CTBP2: variants seen among roughly 807,000 people sequenced by gnomAD.
CTBP2 encodes the protein C-terminal-binding protein 2.
Under a neutral mutation model 80.3 loss-of-function variants are expected in CTBP2, and 30 were observed. That is an observed-to-expected ratio of 0.37 (90% CI 0.28 to 0.51). The LOEUF is 0.51. CTBP2 is among the 20% of genes least tolerant of loss of function. CTBP2 has a pLI of 0.93. For synonymous variants in CTBP2, 594 were observed against 587.4 expected, an observed-to-expected ratio of 1.01 and a Z score of -0.16; for missense variants, 1,212 against 1,375.3, an observed-to-expected ratio of 0.88 and a Z score of 1.88.
intron 2 of CTBP2, among the ~76,000 whole-genome samples, chr10:125,041,073 T>C (rs1436154532): frequency 6.6e-6 from 1 of 152,174 alleles, no homozygotes; most frequent in Non-Finnish European, 1.5e-5. Flanking sequence ...AAAATTGGTT[T>C]TGCTAGTGTT....
chr10:125,013,621 A>G (rs1479690214), intron 1 of CTBP2, among the ~76,000 whole-genome samples: 1 of 152,184 alleles, frequency 6.6e-6, no homozygotes, highest in Non-Finnish European at 1.5e-5. Context: ...GGTCACGGCC[A>G]CTTCTCTTGC....
intron 2 of CTBP2, among the ~76,000 whole-genome samples, chr10:125,069,384 G>A (rs1025291612): frequency 2.0e-5 from 3 of 152,142 alleles, no homozygotes; most frequent in Non-Finnish European, 4.4e-5. Context: ...TTGGGAGGCC[G>A]AGGTGCGTGG....
intron 1 of CTBP2, among the ~76,000 whole-genome samples, chr10:125,131,562 G>C (rs1341168151): frequency 1.3e-5 from 2 of 152,210 alleles, no homozygotes; most frequent in African/African-American, 4.8e-5. Flanking sequence ...GTAGGACAGG[G>C]AGGGGGCAGC....
chr10:125,001,673 GC>G (rs1208827352), intron 3 of CTBP2, among the ~76,000 whole-genome samples: 1 of 152,162 alleles, frequency 6.6e-6, no homozygotes, highest in Non-Finnish European at 1.5e-5. Flanking sequence ...TTTGGGATTT[GC>G]CCGTGGGGCA....
chr10:125,065,710 C>T, intron 2 of CTBP2, among the ~76,000 whole-genome samples: 1 of 152,206 alleles, frequency 6.6e-6, no homozygotes, highest in East Asian at 1.9e-4. Context: ...AGAAATCCCA[C>T]TAAATTTACA....
intron 5 of CTBP2, 123 bp from the exon 8 acceptor site, chr10:124,994,108 C>T (rs1468968005): frequency 3.7e-6 from 5 of 1,339,046 alleles, no homozygotes; most frequent in Non-Finnish European, 4.1e-6. Flanking sequence ...GTGTGTGCTG[C>T]AGTTTGAGGG....
intron 8 of CTBP2, among the ~76,000 whole-genome samples, chr10:124,989,917 T>C (rs1358097759): frequency 5.3e-5 from 8 of 152,176 alleles, no homozygotes; most frequent in African/African-American, 1.4e-4. Context: ...TTGTATTTTT[T>C]TGTAGAGATG....
At chr10:125,064,354 C>T (rs938072239) in intron 2 of CTBP2, among the ~76,000 whole-genome samples, 10 of 152,148 alleles carry the variant, frequency 6.6e-5, no homozygotes, top group African/African-American at 2.4e-4. Context: ...TCCATAATTA[C>T]GGGAACAGGC....
chr10:125,062,415 A>C (rs966697852), intron 2 of CTBP2, among the ~76,000 whole-genome samples: 2 of 151,334 alleles, frequency 1.3e-5, no homozygotes, highest in Admixed American at 1.3e-4. Flanking sequence ...CTGCTTTTTT[A>C]AGTCTGTCCT....
chr10:125,011,574 C>A (rs905090311), intron 1 of CTBP2, among the ~76,000 whole-genome samples: 1 of 152,188 alleles, frequency 6.6e-6, no homozygotes, highest in African/African-American at 2.4e-5. Context: ...CAGACCCACA[C>A]CATCAAGTTC....
chr10:125,003,415 C>T lies in CTBP2; in HGVS notation c.1756G>A (p.Val586Met). 4 of 1,602,614 alleles carry T rather than the reference C, an allele frequency of 2.5e-6. No homozygotes were observed. The highest frequency in any genetic ancestry group is 3.4e-6 in the Non-Finnish European group (4 of 1,177,320). ...AGGTCCTTCAGGATGGGCATCTCCA[C>T]AGTGCAGTCGCGGCCGTCCAGCAGC... Residue 586 changes from valine (V) to methionine (M), a missense_variant, in exon 2 of 9, where the codon GTG becomes ATG. By Grantham distance (21) the Val-to-Met change is conservative. This residue lies in a region of CTBP2 where 29 missense variants were observed against 88.3 expected (regional missense o/e 0.33). Transcript: ENST00000309035.
intron 1 of CTBP2, among the ~76,000 whole-genome samples, chr10:125,017,943 CTGCTCCAGAGCCCGTCATGACTCT>C (rs1018680817): frequency 3.9e-5 from 6 of 152,236 alleles, no homozygotes; most frequent in African/African-American, 1.2e-4. Context: ...ATGATGACTG[CTGCTCCAGAGCCCGTCATGACTCT>C]TGCTCCAGAG....
At chr10:125,001,142 C>G (rs1954438882) in intron 3 of CTBP2, 1 of 152,282 alleles carries the variant, frequency 6.6e-6, no homozygotes, top group African/African-American at 2.4e-5. Flanking sequence ...GGCCCCACTG[C>G]CTGTGCGGGG....
intron 1 of CTBP2, among the ~76,000 whole-genome samples, chr10:125,145,883 G>A (rs1858681650): frequency 6.6e-6 from 1 of 152,074 alleles, no homozygotes; most frequent in Non-Finnish European, 1.5e-5. Flanking sequence ...GGTTTCCCAA[G>A]GGCATTTTCA....
chr10:125,113,291 C>T (rs1852623560), intron 1 of CTBP2, among the ~76,000 whole-genome samples: 1 of 152,204 alleles, frequency 6.6e-6, no homozygotes, highest in Non-Finnish European at 1.5e-5. Context: ...CTCCTATCCA[C>T]CCTTCAAAAC....
chr10:125,117,593 G>C (rs1340999621), intron 1 of CTBP2, among the ~76,000 whole-genome samples: 1 of 152,160 alleles, frequency 6.6e-6, no homozygotes, highest in Non-Finnish European at 1.5e-5. Context: ...ATGGGGAAAA[G>C]AAATACAATA....
chr10:125,087,799 C>G (rs759463285), intron 2 of CTBP2, among the ~76,000 whole-genome samples: 1 of 152,242 alleles, frequency 6.6e-6, no homozygotes, highest in Non-Finnish European at 1.5e-5. Flanking sequence ...TGTACATGCT[C>G]TCTCTCACTG....
intron 1 of CTBP2, among the ~76,000 whole-genome samples, chr10:125,127,581 T>C (rs887934398): frequency 6.6e-6 from 1 of 152,192 alleles, no homozygotes; most frequent in Non-Finnish European, 1.5e-5. Flanking sequence ...AGGACCCACA[T>C]GGAATGGCCT....
chr10:125,159,156 G>A (rs1208261697), intron 1 of CTBP2, among the ~76,000 whole-genome samples: 3 of 150,664 alleles, frequency 2.0e-5, no homozygotes, highest in African/African-American at 7.3e-5. Flanking sequence ...GCCGTCCGGC[G>A]CCGCGGAGGG....
Sources: allele counts gnomAD v4.1 joint callset (sites outside exome capture counted in the v4.1 genomes callset), GRCh38; gene constraint gnomAD v4.1.1; regional missense constraint gnomAD v4.1.1; transcripts MANE v1.5; gene names NCBI Gene and HGNC (gene_info 2026-07-23, HGNC 2026-07-21).